The following CFLAR variants were observed in gnomAD, a reference collection of about 807,000 sequenced individuals.
CFLAR encodes CASP8 and FADD like apoptosis regulator.
CFLAR carries 14 observed loss-of-function variants against 51.1 expected under a neutral mutation model. That is an observed-to-expected ratio of 0.27 (90% CI 0.18 to 0.43). The LOEUF (loss-of-function observed/expected upper bound fraction) is 0.43. CFLAR is among the 20% of genes least tolerant of loss of function. The probability of loss-of-function intolerance (pLI) is 1.00; values close to 1 mark genes in which losing one functional copy is unlikely to be tolerated. For missense variants in CFLAR, 390 were observed against 566.5 expected (o/e 0.69, Z 3.16); for synonymous variants, 210 against 211.6 (o/e 0.99, Z 0.06).
At chr2:201,156,572 C>A (rs907134577) in intron 8 of CFLAR, among the ~76,000 whole-genome samples, 1 of 152,158 alleles carries the variant, frequency 6.6e-6, no homozygotes, top group East Asian at 1.9e-4. Context: ...AAAACAAATT[C>A]TAAATTAATG....
At chr2:201,156,707 C>G (rs549005707) in intron 8 of CFLAR, among the ~76,000 whole-genome samples, 1 of 152,190 alleles carries the variant, frequency 6.6e-6, no homozygotes, top group Non-Finnish European at 1.5e-5. Context: ...CAGAAGAACC[C>G]CTGCCCTTCC....
chr2:201,145,332 CTG>C, intron 5 of CFLAR, 44 bp from the exon 6 acceptor site: 1 of 1,175,130 alleles, frequency 8.5e-7, no homozygotes, highest in Non-Finnish European at 1.3e-6. Flanking sequence ...TAGTGTACCT[CTG>C]AAATAACTAA....
At chr2:201,125,897 G>A (rs1367962367) in intron 1 of CFLAR, among the ~76,000 whole-genome samples, 9 of 152,066 alleles carry the variant, frequency 5.9e-5, no homozygotes, top group Non-Finnish European at 1.0e-4. Context: ...GTGCTGGAGC[G>A]ATCAACCATC....
At chr2:201,143,395 C>CT (rs1453589926) in intron 5 of CFLAR, 1 of 151,946 alleles carries the variant, frequency 6.6e-6, no homozygotes, top group African/African-American at 2.4e-5. Flanking sequence ...TCACTTGAAC[C>CT]TGAGAGGCGG....
At chr2:201,126,472 A>AGTG (rs2048726520) in intron 1 of CFLAR, among the ~76,000 whole-genome samples, 1 of 152,240 alleles carries the variant, frequency 6.6e-6, no homozygotes, top group Non-Finnish European at 1.5e-5. Flanking sequence ...TGAAACAGCC[A>AGTG]AGATGGAGTC....
At chr2:201,130,269 T>C (rs116782073) in intron 2 of CFLAR, 123 bp downstream of exon 2, 12,397 of 774,204 alleles carry the variant, frequency 0.016, 129 homozygotes, top group African/African-American at 0.028. Flanking sequence ...TGCCCACTTA[T>C]CCAACTGCCA....
rs567293158 is a variant in CFLAR, at chr2:201,163,800, A to C, written c.1305-35A>C. The C allele has an allele frequency of 2.0e-5, 31 of 1,587,526 alleles. No individual in the cohort carries two copies. The Admixed American group carries it at 4.6e-4, about 23-fold the overall frequency. ...TGACAGTCTTCTCTTTGATATTTGC[A>C]TGGCATTAAATTTTGCCTTTCTTGT... On this transcript the variant is annotated intron_variant, in intron 9 of 9. Transcript: ENST00000309955.
chr2:201,141,596 C>T, intron 5 of CFLAR: 1 of 1,304,540 alleles, frequency 7.7e-7, no homozygotes, highest in Non-Finnish European at 9.8e-7. Flanking sequence ...CCTTGTACTT[C>T]TTTGTGCATT....
intron 1 of CFLAR, among the ~76,000 whole-genome samples, chr2:201,127,208 A>G (rs1289038938): frequency 6.6e-6 from 1 of 152,184 alleles, no homozygotes; most frequent in East Asian, 1.9e-4. Flanking sequence ...AGCAGGGAAG[A>G]AAAATAATTG....
chr2:201,126,388 T>C (rs1465609871), intron 1 of CFLAR, among the ~76,000 whole-genome samples: 3 of 152,172 alleles, frequency 2.0e-5, no homozygotes, highest in Non-Finnish European at 2.9e-5. Context: ...CACAGTATCT[T>C]ATCAGTTAAT....
intron 3 of CFLAR, among the ~76,000 whole-genome samples, chr2:201,134,298 ACT>A (rs2049790790): frequency 1.3e-5 from 2 of 150,504 alleles, no homozygotes; most frequent in Admixed American, 6.6e-5. Context: ...ACGGAGCAAG[ACT>A]CTGTCTCAAA....
intron 8 of CFLAR, among the ~76,000 whole-genome samples, chr2:201,156,958 G>A (rs1431383119): frequency 1.3e-5 from 2 of 152,112 alleles, no homozygotes; most frequent in Non-Finnish European, 2.9e-5. Flanking sequence ...TCTGCTCTGA[G>A]CCCATTTTAG....
At chr2:201,126,573 TA>T in intron 1 of CFLAR, among the ~76,000 whole-genome samples, 1 of 152,110 alleles carries the variant, frequency 6.6e-6, no homozygotes, top group Admixed American at 6.5e-5. Context: ...ACAGCGTTAG[TA>T]AAAACAAGGT....
rs1177103273 is a variant in CFLAR, at chr2:201,175,669, G to T, written c.*11696G>T. 1 of 152,162 alleles carries T rather than the reference G, an allele frequency of 6.6e-6. No homozygotes were observed. Among genetic ancestry groups the T allele is most frequent in the Non-Finnish European group, 1.5e-5 (1 of 68,034 alleles). 9.4% of individuals were successfully genotyped at this position (152,162 alleles called of 1,614,324 possible). On this transcript the variant is annotated 3_prime_UTR_variant, in exon 10 of 10. Transcript: ENST00000309955. Reference sequence around the variant, plus strand: ...GTGTATTGCCATCTTAACGGAAGTTGTTACTGGTGGACGGTATCCAAGTTA... The same window carrying T: ...GTGTATTGCCATCTTAACGGAAGTTTTTACTGGTGGACGGTATCCAAGTTA...
At chr2:201,134,496 G>T (rs567961716) in intron 3 of CFLAR, among the ~76,000 whole-genome samples, 1 of 151,406 alleles carries the variant, frequency 6.6e-6, no homozygotes, top group African/African-American at 2.4e-5. Context: ...TTAGCTGGGC[G>T]TAGTGGTGGG....
Position 201,138,159 on chromosome 2 carries a change from C to T in CFLAR, c.523+2052C>T. On this transcript the variant is annotated intron_variant, in intron 4 of 9. Transcript: ENST00000309955. This position sits in a 1 kb window ranked among gnomAD's most constrained non-coding sequence, Gnocchi z 4.0. ...GCCTGGGCTGCTGTCACCACGTTCCCCCCAATCACCTGGAGGTGGGGTTAC... is the reference window on the plus strand; with the variant it reads ...GCCTGGGCTGCTGTCACCACGTTCCTCCCAATCACCTGGAGGTGGGGTTAC... The T allele has an allele frequency of 1.1e-6, 1 of 887,084 alleles. No homozygotes were observed. The highest frequency in any genetic ancestry group is 1.9e-6 in the Non-Finnish European group (1 of 521,984). 55.0% of individuals were successfully genotyped at this position (887,084 alleles called of 1,614,324 possible). A position where few individuals can be genotyped will look rare whatever the true frequency, so the allele number is the denominator to read the frequency against.
chr2:201,120,320 C>T (rs1406199768), intron 1 of CFLAR, among the ~76,000 whole-genome samples: 1 of 152,002 alleles, frequency 6.6e-6, no homozygotes, highest in Non-Finnish European at 1.5e-5. Flanking sequence ...TCCTTTTCTA[C>T]ACTTGTTCTG....
intron 8 of CFLAR, among the ~76,000 whole-genome samples, chr2:201,157,274 G>A (rs1182832676): frequency 6.6e-6 from 1 of 152,104 alleles, no homozygotes; most frequent in Admixed American, 6.5e-5. Flanking sequence ...CCAAGTAGCT[G>A]GGACCACAGA....
intron 7 of CFLAR, 85 bp from the exon 8 acceptor site, chr2:201,149,669 C>A: frequency 9.7e-7 from 1 of 1,035,794 alleles, no homozygotes; most frequent in South Asian, 1.4e-5. Flanking sequence ...AAAGGAAATC[C>A]AAAAGAAGAG....
Sources: allele counts gnomAD v4.1 joint callset (sites outside exome capture counted in the v4.1 genomes callset), GRCh38; gene constraint gnomAD v4.1.1; non-coding constraint Gnocchi (gnomAD v3.1); transcripts MANE v1.5; gene names NCBI Gene and HGNC (gene_info 2026-07-23, HGNC 2026-07-21).